The following BABAM2 variants were observed in gnomAD, a reference collection of about 807,000 sequenced individuals.
BABAM2 encodes BRISC and BRCA1-A complex member 2.
Under a neutral mutation model 54.7 loss-of-function variants are expected in BABAM2, and 31 were observed. That is an observed-to-expected ratio of 0.57 (90% CI 0.43 to 0.77). BABAM2 has a LOEUF of 0.77. Among genes scored for constraint, BABAM2 ranks in the 30% least tolerant of loss-of-function variants. BABAM2 has a pLI of 0.00. For missense variants in BABAM2, 364 were observed against 455.8 expected (o/e 0.80, Z 1.83); for synonymous variants, 167 against 162.9 (o/e 1.03, Z -0.19).
At chr2:27,968,569 C>T (rs770046936) in intron 3 of BABAM2, among the ~76,000 whole-genome samples, 3 of 152,194 alleles carry the variant, frequency 2.0e-5, no homozygotes, top group Non-Finnish European at 4.4e-5. Flanking sequence ...GAGAAGAGGG[C>T]TACCATCCTC....
intron 6 of BABAM2, among the ~76,000 whole-genome samples, chr2:28,122,921 G>T (rs1024925270): frequency 6.6e-6 from 1 of 151,528 alleles, no homozygotes; most frequent in Non-Finnish European, 1.5e-5. Flanking sequence ...TCAGACTTGA[G>T]TTTTTTTTTA....
chr2:28,153,678 T>A (rs1167834383), intron 7 of BABAM2, among the ~76,000 whole-genome samples: 1 of 152,170 alleles, frequency 6.6e-6, no homozygotes, highest in Non-Finnish European at 1.5e-5. Flanking sequence ...CTTGGGAACT[T>A]GTTAACAGTG....
chr2:28,153,378 G>A (rs1422954517), intron 7 of BABAM2, among the ~76,000 whole-genome samples: 1 of 152,072 alleles, frequency 6.6e-6, no homozygotes, highest in African/African-American at 2.4e-5. Flanking sequence ...GCCTTACTTT[G>A]TTCATATACA....
intron 4 of BABAM2, among the ~76,000 whole-genome samples, chr2:28,019,617 A>G (rs1675106543): frequency 6.6e-6 from 1 of 152,182 alleles, no homozygotes; most frequent in African/African-American, 2.4e-5. Flanking sequence ...TAGAATCTTT[A>G]TGGTTTCAGG....
intron 7 of BABAM2, among the ~76,000 whole-genome samples, chr2:28,150,691 G>T (rs975566530): frequency 4.6e-5 from 7 of 152,196 alleles, no homozygotes; most frequent in Non-Finnish European, 4.4e-5. Context: ...GACTAGGGAA[G>T]AGCGCCAGCC....
At chr2:28,074,860 T>C (rs1389164343) in intron 6 of BABAM2, among the ~76,000 whole-genome samples, 1 of 152,212 alleles carries the variant, frequency 6.6e-6, no homozygotes, top group Admixed American at 6.5e-5. Flanking sequence ...ATGTAAGTTT[T>C]CCTTGAAAAT....
intron 2 of BABAM2, among the ~76,000 whole-genome samples, chr2:27,900,679 T>C (rs541600325): frequency 1.3e-5 from 2 of 152,196 alleles, no homozygotes; most frequent in African/African-American, 2.4e-5. Context: ...ATTGGCCTGA[T>C]AGTGTATTGC....
rs112663010 is a variant in BABAM2, at chr2:28,304,919, C to T, written c.1088+6428C>T. Among the ~76,000 whole-genome samples the T allele has an allele frequency of 6.6e-6, 1 of 152,312 alleles. No individual in the cohort carries two copies. Among genetic ancestry groups the T allele is most frequent in the African/African-American group, 2.4e-5 (1 of 41,580 alleles). ...TCTTGAACTCCTGAGCTCAGGCAAT[C>T]CACCTGCCTTGGCCTCCCAAAGCAC... On this transcript the variant is annotated intron_variant, in intron 11 of 11. Transcript: ENST00000379624. The surrounding 1 kb of genome is among the most constrained non-coding windows in gnomAD (Gnocchi z 4.0).
At chr2:28,235,459 G>A (rs953698280) in intron 7 of BABAM2, among the ~76,000 whole-genome samples, 5 of 152,094 alleles carry the variant, frequency 3.3e-5, no homozygotes, top group African/African-American at 1.2e-4. Context: ...ACAGGTGTGA[G>A]CCACCACGCC....
chr2:27,946,854 A>T (rs1157815081), intron 3 of BABAM2, among the ~76,000 whole-genome samples: 1 of 152,190 alleles, frequency 6.6e-6, no homozygotes, highest in African/African-American at 2.4e-5. Context: ...TGTTCATTTC[A>T]TCCAAGTTGT....
intron 6 of BABAM2, among the ~76,000 whole-genome samples, chr2:28,087,680 G>A (rs893075301): frequency 1.3e-5 from 2 of 150,710 alleles, no homozygotes; most frequent in African/African-American, 2.4e-5. Context: ...ACAGAGTCTC[G>A]CTCTGTCGCC....
intron 11 of BABAM2, among the ~76,000 whole-genome samples, chr2:28,330,547 C>T (rs1197870752): frequency 6.6e-6 from 1 of 152,130 alleles, no homozygotes; most frequent in African/African-American, 2.4e-5. Flanking sequence ...AGTAGACAAG[C>T]AGAGAGCCAA....
At chr2:28,146,217 C>T (rs1671479694) in intron 7 of BABAM2, among the ~76,000 whole-genome samples, 1 of 152,198 alleles carries the variant, frequency 6.6e-6, no homozygotes, top group African/African-American at 2.4e-5. Flanking sequence ...CAAATATTTT[C>T]TCCCATTCTG....
At chr2:28,089,376 C>G (rs1479603870) in intron 6 of BABAM2, among the ~76,000 whole-genome samples, 1 of 152,194 alleles carries the variant, frequency 6.6e-6, no homozygotes, top group East Asian at 1.9e-4. Flanking sequence ...TTGGCCACCT[C>G]TTTCTCTGCT....
At chr2:28,179,205 G>T (rs1028315426) in intron 7 of BABAM2, among the ~76,000 whole-genome samples, 1 of 151,844 alleles carries the variant, frequency 6.6e-6, no homozygotes, top group African/African-American at 2.4e-5. Context: ...TGGCAGGCTA[G>T]TGATGAACAC....
chr2:28,269,746 T>C (rs1685265078), intron 10 of BABAM2, among the ~76,000 whole-genome samples: 1 of 152,104 alleles, frequency 6.6e-6, no homozygotes, highest in Non-Finnish European at 1.5e-5. Flanking sequence ...CCAGAGCCCA[T>C]AAAAGGGAGG....
chr2:28,066,670 A>G (rs1438738742), intron 6 of BABAM2, among the ~76,000 whole-genome samples: 1 of 152,180 alleles, frequency 6.6e-6, no homozygotes, highest in Non-Finnish European at 1.5e-5. Context: ...GTTATTAGGA[A>G]GGCTTGATGC....
At chr2:28,237,637 AC>A (rs1031896470) in intron 8 of BABAM2, among the ~76,000 whole-genome samples, 1 of 152,174 alleles carries the variant, frequency 6.6e-6, no homozygotes, top group Admixed American at 6.5e-5. Flanking sequence ...AAACTTTGGA[AC>A]CCCATTGCTT....
intron 7 of BABAM2, among the ~76,000 whole-genome samples, chr2:28,139,414 CAA>C (rs754925181): frequency 3.9e-4 from 59 of 149,388 alleles, no homozygotes; most frequent in Non-Finnish European, 2.2e-4. Context: ...ACTAAAAATG[CAA>C]AGATTAGCTG....
Sources: allele counts gnomAD v4.1 joint callset (sites outside exome capture counted in the v4.1 genomes callset), GRCh38; gene constraint gnomAD v4.1.1; non-coding constraint Gnocchi (gnomAD v3.1); transcripts MANE v1.5; gene names NCBI Gene and HGNC (gene_info 2026-07-23, HGNC 2026-07-21).